Variants in GLCCI1 observed in about 807,000 individuals in gnomAD.
The protein encoded by GLCCI1 is glucocorticoid-induced transcript 1 protein.
Under a neutral mutation model 52.2 loss-of-function variants are expected in GLCCI1, and 24 were observed. The ratio of observed to expected loss-of-function variants is 0.46; its 90% confidence interval spans 0.33 to 0.65. The LOEUF (loss-of-function observed/expected upper bound fraction) is 0.65, where lower values mean the gene tolerates loss of function less well. GLCCI1 is among the 30% of genes least tolerant of loss of function. The probability of loss-of-function intolerance (pLI) is 0.02; values close to 1 mark genes in which losing one functional copy is unlikely to be tolerated. For missense variants in GLCCI1, 704 were observed against 701.5 expected (o/e 1.00, Z -0.04); for synonymous variants, 310 against 276.5 (o/e 1.12, Z -1.20).
At chr7:7,984,104 C>G (rs1485222906) in intron 1 of GLCCI1, among the ~76,000 whole-genome samples, 1 of 152,146 alleles carries the variant, frequency 6.6e-6, no homozygotes, top group Non-Finnish European at 1.5e-5. Context: ...CTCTGTCACC[C>G]AGGCTGATTG....
At chr7:8,044,885 A>G (rs1040147823) in intron 3 of GLCCI1, among the ~76,000 whole-genome samples, 1 of 152,226 alleles carries the variant, frequency 6.6e-6, no homozygotes, top group Non-Finnish European at 1.5e-5. Context: ...GAAATAGAAA[A>G]AAAAGTCTTG....
At chr7:8,045,802 C>T (rs1782109918) in intron 3 of GLCCI1, among the ~76,000 whole-genome samples, 1 of 152,140 alleles carries the variant, frequency 6.6e-6, no homozygotes, top group Admixed American at 6.5e-5. Context: ...GTGTGAGTAA[C>T]CATGCAACCA....
chr7:8,060,895 A>C (rs1782500179), intron 5 of GLCCI1, among the ~76,000 whole-genome samples: 1 of 151,902 alleles, frequency 6.6e-6, no homozygotes, highest in African/African-American at 2.4e-5. Context: ...GAACTGCCAG[A>C]CTCTTTTCCA....
chr7:8,001,243 A>G (rs1269174955), intron 1 of GLCCI1, among the ~76,000 whole-genome samples: 2 of 152,180 alleles, frequency 1.3e-5, no homozygotes, highest in African/African-American at 2.4e-5. Flanking sequence ...GGTGGTGACA[A>G]CATCTCTCAA....
rs1284895441 is a variant in GLCCI1 at position 8,070,793 on chromosome 7, C to T, written c.967-128C>T. On this transcript the variant is annotated intron_variant, in intron 5 of 7. Transcript: ENST00000223145. The stretch of plus-strand genomic sequence containing the variant: ...AATTAGCTTAAGACACAAGCTTGGT[C>T]TTTAGCCTTTGAAGAATAAACTGGG... The T allele has an allele frequency of 4.0e-6, 3 of 744,298 alleles. No homozygotes were observed. In the African/African-American group the frequency reaches 5.3e-5, roughly 13 times the overall value. The allele number at this position is 744,298 out of a possible 1,614,324, so 46.1% of individuals were successfully genotyped here.
intron 5 of GLCCI1, among the ~76,000 whole-genome samples, chr7:8,069,629 G>A (rs1345108275): frequency 6.6e-6 from 1 of 152,142 alleles, no homozygotes; most frequent in African/African-American, 2.4e-5. Flanking sequence ...CATGCTAGCA[G>A]TGCAAGTAAA....
intron 1 of GLCCI1, among the ~76,000 whole-genome samples, chr7:7,988,353 T>C (rs1780777641): frequency 6.6e-6 from 1 of 152,204 alleles, no homozygotes. Context: ...GTATCATCAG[T>C]GTGAAATTAC....
At position 7,969,245 on chromosome 7, in the gene GLCCI1, C is replaced by T; in HGVS notation, c.-106C>T. 4.4e-6 allele frequency: 5 copies of T among 1,131,032 alleles called. No individual in the cohort carries two copies. The highest frequency in any genetic ancestry group is 4.5e-6 in the Non-Finnish European group (4 of 897,468). The allele number at this position is 1,131,032 out of a possible 1,614,324, so 70.1% of individuals were successfully genotyped here. ...CCCACAGCGATACCCCCGCCCCTCCCCCTTACACACTCGCACGCACTATCG... is the reference window on the plus strand; with the variant it reads ...CCCACAGCGATACCCCCGCCCCTCCTCCTTACACACTCGCACGCACTATCG... On this transcript the variant is annotated 5_prime_UTR_variant, in exon 1 of 8. Coordinates refer to ENST00000223145, the MANE Select transcript of GLCCI1 (RefSeq NM_138426.4). This position sits in a 1 kb window ranked among gnomAD's most constrained non-coding sequence, Gnocchi z 4.9.
At chr7:7,970,007 C>G in intron 1 of GLCCI1, 200 bp downstream of exon 1, 1 of 550,184 alleles carries the variant, frequency 1.8e-6, no homozygotes, top group Non-Finnish European at 2.5e-6. Flanking sequence ...ACCCTCATGC[C>G]GCCCCTCAGA....
At chr7:8,050,674 TC>T (rs1168425140) in intron 3 of GLCCI1, among the ~76,000 whole-genome samples, 6 of 152,202 alleles carry the variant, frequency 3.9e-5, no homozygotes, top group Admixed American at 2.0e-4. Context: ...CCTTTTCCAT[TC>T]CCATTTGTCT....
chr7:8,014,785 A>G (rs935659617), intron 2 of GLCCI1, among the ~76,000 whole-genome samples: 1 of 152,152 alleles, frequency 6.6e-6, no homozygotes, highest in South Asian at 2.1e-4. Flanking sequence ...AGATTTCAAA[A>G]CTTGTATTCT....
At chr7:7,979,869 C>T (rs1780572836) in intron 1 of GLCCI1, among the ~76,000 whole-genome samples, 1 of 152,186 alleles carries the variant, frequency 6.6e-6, no homozygotes, top group African/African-American at 2.4e-5. Context: ...CACCATTTAC[C>T]TGAAACTTTG....
At chr7:7,994,145 T>C (rs1301126869) in intron 1 of GLCCI1, among the ~76,000 whole-genome samples, 1 of 152,102 alleles carries the variant, frequency 6.6e-6, no homozygotes, top group East Asian at 1.9e-4. Flanking sequence ...TCCCAGCTAC[T>C]TGGGAGGCTG....
rs576216102 is a variant in GLCCI1 at position 7,984,463 on chromosome 7, AT to A, written c.457+14657del. 7.1e-3 allele frequency among the ~76,000 whole-genome samples: 1,078 copies of A among 152,356 alleles called. 7 individuals carry two copies. Among genetic ancestry groups the A allele is most frequent in the Non-Finnish European group, 0.012 (830 of 68,030 alleles). ...ATAGTCCCTCCTAAAGACTGTGGTA[AT>A]ACTGAGCTCCAAGTAAGGAGAATGT... On this transcript the variant is annotated intron_variant, in intron 1 of 7. Coordinates refer to ENST00000223145, the MANE Select transcript of GLCCI1 (RefSeq NM_138426.4).
At chr7:8,014,818 G>C (rs573426184) in intron 2 of GLCCI1, among the ~76,000 whole-genome samples, 1 of 152,254 alleles carries the variant, frequency 6.6e-6, no homozygotes, top group Admixed American at 6.5e-5. Flanking sequence ...AGATGGGATG[G>C]TTAGATCTTA....
intron 2 of GLCCI1, among the ~76,000 whole-genome samples, chr7:8,017,047 T>C (rs760188408): frequency 2.6e-5 from 4 of 152,192 alleles, no homozygotes; most frequent in African/African-American, 4.8e-5. Flanking sequence ...GAGGTAGTTA[T>C]TGTGTGTTTG....
intron 4 of GLCCI1, among the ~76,000 whole-genome samples, chr7:8,056,006 A>AC: frequency 6.9e-6 from 1 of 144,884 alleles, no homozygotes; most frequent in Non-Finnish European, 1.5e-5. Flanking sequence ...AAAAAAAAAA[A>AC]ACAAAAACCA....
At chr7:8,055,993 A>G (rs1782388727) in intron 4 of GLCCI1, among the ~76,000 whole-genome samples, 1 of 23,700 alleles carries the variant, frequency 4.2e-5, no homozygotes, top group Non-Finnish European at 9.5e-5. Context: ...ACTCCGTCTC[A>G]AAAAAAAAAA....
chr7:8,055,690 G>A, intron 4 of GLCCI1, 141 bp downstream of exon 4: 1 of 623,366 alleles, frequency 1.6e-6, no homozygotes, highest in South Asian at 1.9e-5. Context: ...TAAAAAGATT[G>A]TTAGAAAGCA....
Sources: gnomAD v4.1 joint callset for allele counts (sites outside exome capture counted in the v4.1 genomes callset) on GRCh38, gnomAD v4.1.1 for gene constraint, Gnocchi (gnomAD v3.1) non-coding constraint, MANE v1.5 for transcripts, NCBI Gene and HGNC (gene_info 2026-07-23, HGNC 2026-07-21) for gene names.